PDE8B: variants seen among roughly 807,000 people sequenced by gnomAD.
PDE8B encodes the protein phosphodiesterase 8B.
Under a neutral mutation model 101.3 loss-of-function variants are expected in PDE8B, and 26 were observed. That is an observed-to-expected ratio of 0.26 (90% confidence interval 0.19 to 0.36). The LOEUF is 0.36. Ranked by LOEUF, PDE8B falls within the 10% of genes least tolerant of loss-of-function variation. The pLI is 1.00. For missense variants in PDE8B, 810 were observed against 1,163.1 expected (o/e 0.70, Z 4.42); for synonymous variants, 424 against 429.3 (o/e 0.99, Z 0.15).
At chr5:77,121,582 A>G in the PDE8B span, among the ~76,000 whole-genome samples, 1 of 148,290 alleles carries the variant, frequency 6.7e-6, no homozygotes, top group Non-Finnish European at 1.5e-5. Context: ...ATCTTGGCTC[A>G]CTGCAACCTC....
chr5:77,140,491 T>A, the PDE8B span: 1 of 152,300 alleles, frequency 6.6e-6, no homozygotes, highest in Non-Finnish European at 1.5e-5. Context: ...AGCCCCTACT[T>A]ACTGCCCAGC....
chr5:77,211,091 A>G lies in PDE8B; in HGVS notation c.166A>G (p.Ser56Gly). 1 of 1,494,418 alleles carries G rather than the reference A, an allele frequency of 6.7e-7. No homozygotes were observed. The highest frequency in any genetic ancestry group is 8.9e-7 in the Non-Finnish European group (1 of 1,128,938). The allele number at this position is 1,494,418 out of a possible 1,614,324, so 92.6% of individuals were successfully genotyped here. ...CGACGCCGCCGACGCCATCCCCCCG[A>G]GCCGCGCGTCGGGACCCCCCAGCGT... ...QTDAADAIPP[S>G]RASGPPSVAR... The change falls in exon 1 of 22, where the codon AGC (serine) becomes GGC (glycine). Residue 56 changes from serine to glycine, a missense_variant. This residue lies in a region of PDE8B where 159 missense variants were observed against 146.6 expected (regional missense o/e 1.08). Coordinates refer to ENST00000264917, the MANE Select transcript of PDE8B (RefSeq NM_003719.5). The surrounding 1 kb of genome is among the most constrained non-coding windows in gnomAD (Gnocchi z 4.1).
At chr5:77,179,040 A>T in the PDE8B span, among the ~76,000 whole-genome samples, 1 of 152,292 alleles carries the variant, frequency 6.6e-6, no homozygotes, top group Admixed American at 6.5e-5. Context: ...AGTTCCATCC[A>T]CACTCAAGGG....
intron 7 of PDE8B, among the ~76,000 whole-genome samples, chr5:77,346,332 C>A (rs1048960552): frequency 1.3e-5 from 2 of 152,216 alleles, no homozygotes; most frequent in Admixed American, 6.5e-5. Flanking sequence ...ACATCTCCCC[C>A]ACTTATACCC....
the PDE8B span, chr5:77,092,435 T>C: frequency 1.3e-5 from 2 of 152,176 alleles, no homozygotes; most frequent in African/African-American, 4.8e-5. Flanking sequence ...GTAGTGGCAG[T>C]TCCCCTAACT....
intron 1 of PDE8B, among the ~76,000 whole-genome samples, chr5:77,307,731 G>A (rs905673633): frequency 1.3e-5 from 2 of 152,010 alleles, no homozygotes; most frequent in African/African-American, 2.4e-5. Context: ...TTAAAACTAC[G>A]CTGTAGTTCA....
At chr5:77,187,253 ATTGATGAGGCAAATAT>A in the PDE8B span, among the ~76,000 whole-genome samples, 8 of 152,344 alleles carry the variant, frequency 5.3e-5, no homozygotes, top group Non-Finnish European at 7.3e-5. Context: ...TAAATTTGAT[ATTGATGAGGCAAATAT>A]TTGGCATTGG....
the PDE8B span, among the ~76,000 whole-genome samples, chr5:77,167,786 C>G: frequency 6.6e-6 from 1 of 152,140 alleles, no homozygotes; most frequent in Non-Finnish European, 1.5e-5. Flanking sequence ...GGAATGTCAC[C>G]TCAAACCCAG....
intron 6 of PDE8B, among the ~76,000 whole-genome samples, chr5:77,338,597 A>G (rs972361098): frequency 4.6e-5 from 7 of 152,160 alleles, no homozygotes; most frequent in African/African-American, 1.7e-4. Flanking sequence ...AGAGAACTTC[A>G]CAGAATTTTT....
chr5:77,393,855 G>T (rs1217732113), intron 10 of PDE8B, among the ~76,000 whole-genome samples: 1 of 150,890 alleles, frequency 6.6e-6, no homozygotes, highest in African/African-American at 2.5e-5. Context: ...CTTACCAGAG[G>T]CCGGGAACCT....
chr5:77,114,670 A>T, the PDE8B span: 1 of 152,256 alleles, frequency 6.6e-6, no homozygotes, highest in Non-Finnish European at 1.5e-5. Context: ...TTAAAAAAAA[A>T]GATTTAAACA....
At chr5:77,087,047 C>T in the PDE8B span, 1 of 152,302 alleles carries the variant, frequency 6.6e-6, no homozygotes, top group African/African-American at 2.4e-5. Flanking sequence ...GGTCGCTGCT[C>T]ACCTGCGCTC....
chr5:77,130,179 G>A, the PDE8B span, among the ~76,000 whole-genome samples: 1 of 152,112 alleles, frequency 6.6e-6, no homozygotes, highest in Admixed American at 6.5e-5. Flanking sequence ...AGATAGGTCT[G>A]AGCAATATCT....
At chr5:77,100,018 A>G in the PDE8B span, among the ~76,000 whole-genome samples, 6 of 152,226 alleles carry the variant, frequency 3.9e-5, no homozygotes, top group African/African-American at 1.4e-4. Context: ...ACTGATTTCT[A>G]TTTCTCAGAA....
chr5:77,172,385 G>A, the PDE8B span, among the ~76,000 whole-genome samples: 7 of 152,206 alleles, frequency 4.6e-5, no homozygotes, highest in Non-Finnish European at 8.8e-5. Context: ...CAAAGTTGGG[G>A]TAAGGAGCTA....
the PDE8B span, among the ~76,000 whole-genome samples, chr5:77,106,777 A>G: frequency 6.6e-6 from 1 of 152,076 alleles, no homozygotes; most frequent in Non-Finnish European, 1.5e-5. Flanking sequence ...ATTTTTAGCA[A>G]TGTTTTATAG....
In PDE8B at chr5:77,222,427, T is replaced by C. The variant is rs374756764; in HGVS notation, c.339+11163T>C. Reference sequence around the variant, plus strand: ...TCACGAGGTCAGGAGTTCGAGACTATCCTGACCAACATGGTGAAACCCCAT... The same window carrying C: ...TCACGAGGTCAGGAGTTCGAGACTACCCTGACCAACATGGTGAAACCCCAT... On this transcript the variant is annotated intron_variant, in intron 1 of 21. Transcript: ENST00000264917. Among the ~76,000 whole-genome samples the C allele has an allele frequency of 3.2e-3, 492 of 152,092 alleles. 2 individuals carry two copies. Among genetic ancestry groups the C allele is most frequent in the South Asian group, 0.017 (84 of 4,820 alleles).
At chr5:77,131,238 T>C in the PDE8B span, 102 of 152,362 alleles carry the variant, frequency 6.7e-4, no homozygotes, top group African/African-American at 2.4e-3. Context: ...TGTTCCCCAA[T>C]GGCTAGGCAG....
chr5:77,204,366 G>A, the PDE8B span, among the ~76,000 whole-genome samples: 7 of 148,442 alleles, frequency 4.7e-5, no homozygotes, highest in South Asian at 2.1e-4. Flanking sequence ...AGCCGAGATC[G>A]CACCACTGTA....
Sources: gnomAD v4.1 joint callset for allele counts (sites outside exome capture counted in the v4.1 genomes callset) on GRCh38, gnomAD v4.1.1 for gene constraint, gnomAD v4.1.1 regional missense constraint, Gnocchi (gnomAD v3.1) non-coding constraint, MANE v1.5 for transcripts, NCBI Gene and HGNC (gene_info 2026-07-23, HGNC 2026-07-21) for gene names.